The following LAMTOR3 variants were observed in gnomAD, a reference collection of about 807,000 sequenced individuals.
LAMTOR3 encodes ragulator complex protein LAMTOR3.
In LAMTOR3, 14 loss-of-function variants were observed where a neutral mutation model predicts 20.3. The observed-to-expected ratio is 0.69, with a 90% CI of 0.46 to 1.08. LAMTOR3 has a LOEUF of 1.08. Ranked by LOEUF, LAMTOR3 falls within the 50% of genes least tolerant of loss-of-function variation. LAMTOR3 has a pLI of 0.00. For missense variants in LAMTOR3, 125 were observed against 143.7 expected (o/e 0.87, Z 0.67); for synonymous variants, 40 against 49.4 (o/e 0.81, Z 0.80).
At chr4:99,894,145 C>G in intron 1 of LAMTOR3, 145 bp from the exon 2 acceptor site, 1 of 473,518 alleles carries the variant, frequency 2.1e-6, no homozygotes, top group Non-Finnish European at 3.7e-6. Context: ...CAGTGGGAGT[C>G]GGAGTGCCCC....
At chr4:99,893,480 C>A (rs1306317850) in intron 2 of LAMTOR3, among the ~76,000 whole-genome samples, 1 of 152,132 alleles carries the variant, frequency 6.6e-6, no homozygotes, top group Non-Finnish European at 1.5e-5. Context: ...CCTACACACA[C>A]ACACACACAC....
At chr4:99,887,418 TATAAA>T in intron 3 of LAMTOR3, 64 bp from the exon 4 acceptor site, 1 of 733,116 alleles carries the variant, frequency 1.4e-6, no homozygotes, top group Non-Finnish European at 2.0e-6. Flanking sequence ...AAAGTTAAAA[TATAAA>T]ATATTTCATT....
chr4:99,894,067 T>G, intron 1 of LAMTOR3, 67 bp from the exon 2 acceptor site: 1 of 1,044,432 alleles, frequency 9.6e-7, no homozygotes, highest in Non-Finnish European at 1.4e-6. Context: ...CACAACTTAA[T>G]ACGCGAGATC....
intron 5 of LAMTOR3, among the ~76,000 whole-genome samples, chr4:99,885,075 AT>A (rs2110180219): frequency 6.6e-6 from 1 of 152,368 alleles, no homozygotes; most frequent in East Asian, 1.9e-4. Context: ...ATCAAGAGAC[AT>A]GCAAAAACTA....
At chr4:99,882,944 TCAAA>T (rs1394565144) in intron 6 of LAMTOR3, among the ~76,000 whole-genome samples, 1 of 152,038 alleles carries the variant, frequency 6.6e-6, no homozygotes. Flanking sequence ...TGTTTTATGT[TCAAA>T]CAAATAAAGA....
chr4:99,885,478 T>C, intron 5 of LAMTOR3, 64 bp downstream of exon 5: 2 of 1,401,540 alleles, frequency 1.4e-6, no homozygotes, highest in African/African-American at 1.5e-5. Context: ...AACTATTTTA[T>C]ATATATAAAA....
At chr4:99,882,390 T>C (rs1374514698) in intron 6 of LAMTOR3, among the ~76,000 whole-genome samples, 2 of 152,180 alleles carry the variant, frequency 1.3e-5, no homozygotes, top group African/African-American at 4.8e-5. Context: ...TAGAATGTTT[T>C]GGATTTCAAA....
intron 2 of LAMTOR3, 137 bp downstream of exon 2, chr4:99,893,818 G>A (rs974020151): frequency 3.4e-6 from 2 of 584,936 alleles, no homozygotes; most frequent in Non-Finnish European, 5.7e-6. Flanking sequence ...AGATATCAGA[G>A]AAAATAATTA....
intron 5 of LAMTOR3, 77 bp downstream of exon 5, chr4:99,885,465 A>C (rs1015161605): frequency 2.2e-5 from 28 of 1,281,590 alleles, no homozygotes; most frequent in Admixed American, 5.4e-5. Flanking sequence ...GAACTATAAC[A>C]CAAACTATTT....
At chr4:99,883,073 GTGA>G (rs1396865368) in intron 6 of LAMTOR3, among the ~76,000 whole-genome samples, 3 of 152,038 alleles carry the variant, frequency 2.0e-5, no homozygotes, top group Non-Finnish European at 4.4e-5. Flanking sequence ...GACTTAGTAT[GTGA>G]TGATAGGTGA....
rs1394778541 is a variant in LAMTOR3 at position 99,879,498 on chromosome 4, A to G, written c.*2496T>C. 1 of 152,190 alleles carries G rather than the reference A, an allele frequency of 6.6e-6. No homozygotes were observed. Among genetic ancestry groups the G allele is most frequent in the Non-Finnish European group, 1.5e-5 (1 of 68,020 alleles). The allele number at this position is 152,190 out of a possible 1,614,324, so 9.4% of individuals were successfully genotyped here. A position where few individuals can be genotyped will look rare whatever the true frequency, so the allele number is the denominator to read the frequency against. ...ATAGAAATCTGGCCACCTCATTTCT[A>G]AAAGACATTGTTTCATGCACCATTG... On this transcript the variant is annotated 3_prime_UTR_variant, in exon 7 of 7. Transcript: ENST00000499666.
rs761742722 is a variant in LAMTOR3 at position 99,884,072 on chromosome 4, A to G, written c.291T>C (p.Ser97=). 1 of 1,609,678 alleles carries G rather than the reference A, an allele frequency of 6.2e-7. No individual in the cohort carries two copies. The highest frequency in any genetic ancestry group is 8.5e-7 in the Non-Finnish European group (1 of 1,176,898). ...PLVVSFIASS[S]ANTGLIVSLE... ...GGTCATTAAACACACCTGTATTGGC[A>G]CTGCTGCTGGCTATGAAACTCACCA... The change falls in exon 6 of 7, where the codon AGT becomes AGC. Residue 97 remains serine, a synonymous_variant. Transcript: ENST00000499666.
At chr4:99,892,073 G>T in intron 2 of LAMTOR3, 39 bp from the exon 3 acceptor site, 1 of 1,537,814 alleles carries the variant, frequency 6.5e-7, no homozygotes, top group Non-Finnish European at 8.7e-7. Flanking sequence ...GTAATAATAG[G>T]CCTTCCACTG....
At chr4:99,887,469 T>G (rs565242740) in intron 3 of LAMTOR3, 115 bp from the exon 4 acceptor site, 2 of 375,602 alleles carry the variant, frequency 5.3e-6, no homozygotes, top group South Asian at 1.5e-4. Flanking sequence ...ATAATAATTC[T>G]CATGTATTTT....
intron 3 of LAMTOR3, among the ~76,000 whole-genome samples, chr4:99,888,926 C>T (rs1724975325): frequency 1.3e-5 from 2 of 152,038 alleles, no homozygotes; most frequent in African/African-American, 2.4e-5. Flanking sequence ...TAACATAGGC[C>T]GGGCACAGTG....
At chr4:99,885,738 C>A in intron 4 of LAMTOR3, 63 bp from the exon 5 acceptor site, 1 of 1,377,800 alleles carries the variant, frequency 7.3e-7, no homozygotes, top group Middle Eastern at 1.8e-4. Context: ...ATTTACAGCC[C>A]TTTTTTTTCA....
intron 5 of LAMTOR3, among the ~76,000 whole-genome samples, chr4:99,885,098 C>T (rs1724897683): frequency 6.6e-6 from 1 of 152,100 alleles, no homozygotes; most frequent in South Asian, 2.1e-4. Flanking sequence ...AAACTAACTT[C>T]TTTCCCACAA....
chr4:99,881,582 CCTT>C lies in LAMTOR3; in HGVS notation c.*409_*411del, dbSNP rs1724828117. On this transcript the variant is annotated 3_prime_UTR_variant, in exon 7 of 7. Transcript: ENST00000499666. ...AAACATAATCTGAAGAAAAATATGT[CCTT>C]ATTATTATTCACAATAAAAAGTTGG... The C allele has an allele frequency of 6.3e-6, 1 of 158,808 alleles. No individual in the cohort carries two copies. The highest frequency in any genetic ancestry group is 1.4e-5 in the Non-Finnish European group (1 of 72,468). 9.8% of individuals were successfully genotyped at this position (158,808 alleles called of 1,614,324 possible).
chr4:99,893,320 A>G (rs115420905), intron 2 of LAMTOR3, among the ~76,000 whole-genome samples: 242 of 152,254 alleles, frequency 1.6e-3, no homozygotes, highest in African/African-American at 5.7e-3. Flanking sequence ...CCAGAAGACT[A>G]TCTTATTTTG....
Sources: allele counts gnomAD v4.1 joint callset (sites outside exome capture counted in the v4.1 genomes callset), GRCh38; gene constraint gnomAD v4.1.1; transcripts MANE v1.5; gene names NCBI Gene and HGNC (gene_info 2026-07-23, HGNC 2026-07-21).